Variants in NUBPL observed in about 807,000 individuals in gnomAD.
NUBPL encodes the protein iron-sulfur cluster transfer protein NUBPL.
A neutral mutation model predicts 45.7 loss-of-function variants in NUBPL; 31 were observed. The observed-to-expected ratio is 0.68, with a 90% confidence interval of 0.51 to 0.92. The LOEUF (loss-of-function observed/expected upper bound fraction) is 0.92. Among genes scored for constraint, NUBPL ranks in the 40% least tolerant of loss-of-function variants. NUBPL has a pLI of 0.00. For missense variants in NUBPL, 401 were observed against 398.7 expected (o/e 1.01, Z -0.05); for synonymous variants, 144 against 140.9 (o/e 1.02, Z -0.15).
chr14:31,598,539 T>A (rs1471084028), intron 3 of NUBPL, among the ~76,000 whole-genome samples: 1 of 152,174 alleles, frequency 6.6e-6, no homozygotes, highest in Non-Finnish European at 1.5e-5. Context: ...AAGAGACATA[T>A]TTTTTAATAG....
chr14:31,648,388 G>A lies in NUBPL; in HGVS notation c.383-24967G>A, dbSNP rs114708781. ...CAGGTAGAACTCTCCTGGAAGAAGC[G>A]CCTAGGTCCTGTGTCTTGATGCACT... is the stretch of plus-strand genomic sequence containing the variant. On this transcript the variant is annotated intron_variant, in intron 4 of 10. Transcript: ENST00000281081. Among the ~76,000 whole-genome samples, 310 of 152,284 alleles carry A rather than the reference G, an allele frequency of 2.0e-3. 1 individual carries two copies. The highest frequency in any genetic ancestry group is 6.7e-3 in the African/African-American group (277 of 41,568).
chr14:31,807,458 T>G (rs1263544886), intron 7 of NUBPL, among the ~76,000 whole-genome samples: 2 of 152,192 alleles, frequency 1.3e-5, no homozygotes, highest in Non-Finnish European at 2.9e-5. Context: ...TGCCCACTTT[T>G]TGATGGGGTT....
chr14:31,696,167 A>C (rs1595506968), intron 6 of NUBPL, among the ~76,000 whole-genome samples: 1 of 152,174 alleles, frequency 6.6e-6, no homozygotes, highest in Non-Finnish European at 1.5e-5. Flanking sequence ...CTAACCCAAC[A>C]CCCAGGGAAG....
At position 31,839,307 on chromosome 14, in the gene NUBPL, T is replaced by C. The variant is rs146613265; in HGVS notation, c.694-7164T>C. Reference sequence around the variant, plus strand: ...AATAGAACAATAGAGAGCCTAGACATCATATATTTACAGTCAATTGATTTT... The same window carrying C: ...AATAGAACAATAGAGAGCCTAGACACCATATATTTACAGTCAATTGATTTT... On this transcript the variant is annotated intron_variant, in intron 8 of 10. Coordinates refer to ENST00000281081, the MANE Select transcript of NUBPL (RefSeq NM_025152.3). Among the ~76,000 whole-genome samples the C allele has an allele frequency of 6.3e-3, 963 of 152,252 alleles. 9 individuals carry two copies. The highest frequency in any genetic ancestry group is 7.6e-3 in the Non-Finnish European group (516 of 68,008).
intron 6 of NUBPL, among the ~76,000 whole-genome samples, chr14:31,686,525 CT>C (rs1356799046): frequency 3.9e-5 from 6 of 152,176 alleles, no homozygotes; most frequent in African/African-American, 1.4e-4. Context: ...AATCAGGTCT[CT>C]AGCAAAGCAA....
intron 4 of NUBPL, among the ~76,000 whole-genome samples, chr14:31,664,109 G>A (rs1369963524): frequency 1.3e-5 from 2 of 152,176 alleles, no homozygotes; most frequent in Non-Finnish European, 2.9e-5. Flanking sequence ...CTTTCCTGAA[G>A]TTGCTTATCA....
intron 6 of NUBPL, among the ~76,000 whole-genome samples, chr14:31,787,231 T>C (rs930879395): frequency 4.6e-5 from 7 of 152,140 alleles, no homozygotes; most frequent in African/African-American, 1.4e-4. Flanking sequence ...CAGTAAGGAC[T>C]TGGTTATATA....
chr14:31,604,215 G>A (rs955013786), intron 4 of NUBPL, among the ~76,000 whole-genome samples: 1 of 150,452 alleles, frequency 6.6e-6, no homozygotes, highest in Admixed American at 6.6e-5. Flanking sequence ...CTGTTGACAG[G>A]CTGATCTTAA....
intron 6 of NUBPL, among the ~76,000 whole-genome samples, chr14:31,775,899 G>A (rs942828206): frequency 2.0e-5 from 3 of 152,076 alleles, no homozygotes; most frequent in Non-Finnish European, 4.4e-5. Flanking sequence ...AGGATCCTGG[G>A]ATATTCTGGG....
chr14:31,680,662 G>A (rs1477829411), intron 6 of NUBPL, among the ~76,000 whole-genome samples: 6 of 151,976 alleles, frequency 3.9e-5, no homozygotes, highest in Admixed American at 2.0e-4. Flanking sequence ...ATCCATGAAG[G>A]CTCAAGTCTC....
intron 4 of NUBPL, among the ~76,000 whole-genome samples, chr14:31,609,416 G>A (rs900463661): frequency 1.3e-5 from 2 of 152,106 alleles, no homozygotes; most frequent in East Asian, 3.8e-4. Context: ...GGAGCACCTG[G>A]ATATATAAAG....
chr14:31,619,392 C>T (rs1286915689), intron 4 of NUBPL, among the ~76,000 whole-genome samples: 1 of 152,210 alleles, frequency 6.6e-6, no homozygotes, highest in African/African-American at 2.4e-5. Flanking sequence ...ATGGCCTTTA[C>T]AATTTGGCAT....
At chr14:31,806,775 C>T (rs1379137300) in intron 7 of NUBPL, among the ~76,000 whole-genome samples, 1 of 152,136 alleles carries the variant, frequency 6.6e-6, no homozygotes, top group East Asian at 1.9e-4. Context: ...TCTCCCATCC[C>T]CCCACACCAC....
At chr14:31,719,968 T>C (rs1203746344) in intron 6 of NUBPL, among the ~76,000 whole-genome samples, 1 of 152,200 alleles carries the variant, frequency 6.6e-6, no homozygotes, top group Non-Finnish European at 1.5e-5. Context: ...TGACTGATTT[T>C]ATAATTTATT....
At chr14:31,821,944 A>G (rs1157928454) in intron 7 of NUBPL, among the ~76,000 whole-genome samples, 1 of 152,242 alleles carries the variant, frequency 6.6e-6, no homozygotes, top group African/African-American at 2.4e-5. Context: ...AGAAAGACAA[A>G]CATTGCATGT....
intron 6 of NUBPL, among the ~76,000 whole-genome samples, chr14:31,696,976 A>AGGACAT (rs959145715): frequency 3.1e-4 from 47 of 152,350 alleles, no homozygotes; most frequent in African/African-American, 1.1e-3. Flanking sequence ...AGAAAGAGAA[A>AGGACAT]GGACATAAAG....
chr14:31,831,347 C>G (rs932954543), intron 8 of NUBPL, among the ~76,000 whole-genome samples: 1 of 151,958 alleles, frequency 6.6e-6, no homozygotes, highest in African/African-American at 2.4e-5. Context: ...CCAGCCTGCC[C>G]TAACCCTTTT....
chr14:31,588,779 C>T (rs916563072), intron 3 of NUBPL, among the ~76,000 whole-genome samples: 13 of 151,602 alleles, frequency 8.6e-5, no homozygotes, highest in South Asian at 6.2e-4. Context: ...ATTAGCGGGG[C>T]GTGGTAGCAT....
chr14:31,742,157 A>G (rs1322813299), intron 6 of NUBPL, among the ~76,000 whole-genome samples: 1 of 152,048 alleles, frequency 6.6e-6, no homozygotes, highest in Non-Finnish European at 1.5e-5. Context: ...CTCAAGCTCC[A>G]GAGATCATGG....
Sources: allele counts gnomAD v4.1 joint callset (sites outside exome capture counted in the v4.1 genomes callset), GRCh38; gene constraint gnomAD v4.1.1; transcripts MANE v1.5; gene names NCBI Gene and HGNC (gene_info 2026-07-23, HGNC 2026-07-21).